KLRG1: variants seen among roughly 807,000 people sequenced by gnomAD.
KLRG1 encodes killer cell lectin-like receptor subfamily G member 1.
Under a neutral mutation model 21.8 loss-of-function variants are expected in KLRG1, and 16 were observed. That is an observed-to-expected ratio of 0.73 (90% CI 0.50 to 1.11). The LOEUF (loss-of-function observed/expected upper bound fraction) is 1.11. Among genes scored for constraint, KLRG1 ranks in the 50% most tolerant of loss-of-function variants. The probability of loss-of-function intolerance (pLI) is 0.00; values close to 1 mark genes in which losing one functional copy is unlikely to be tolerated. For synonymous variants in KLRG1, 69 were observed against 75.9 expected (o/e 0.91, Z 0.47); for missense variants, 173 against 218.3 (o/e 0.79, Z 1.31).
the KLRG1 span, among the ~76,000 whole-genome samples, chr12:9,071,115 C>T: frequency 2.6e-5 from 4 of 151,638 alleles, no homozygotes; most frequent in African/African-American, 4.8e-5. Context: ...CCACCACGCC[C>T]GGCTGAGGAT....
chr12:9,195,756 A>G, the KLRG1 span, among the ~76,000 whole-genome samples: 478 of 151,562 alleles, frequency 3.2e-3, 3 homozygotes, highest in African/African-American at 0.011. Flanking sequence ...GCCTGGCCAA[A>G]TGTCTCAATT....
At chr12:9,108,373 A>G in the KLRG1 span, among the ~76,000 whole-genome samples, 3 of 151,952 alleles carry the variant, frequency 2.0e-5, no homozygotes, top group Non-Finnish European at 4.4e-5. Context: ...TGATCTGCCC[A>G]CCTCAGCCTC....
the KLRG1 span, chr12:9,111,927 G>T: frequency 1.5e-6 from 1 of 666,324 alleles, no homozygotes; most frequent in East Asian, 2.8e-5. Context: ...CATCCGAAAA[G>T]TAAATTTAAT....
downstream of KLRG1, among the ~76,000 whole-genome samples, chr12:9,011,060 T>C (rs1394009292): frequency 2.0e-5 from 3 of 152,208 alleles, no homozygotes; most frequent in African/African-American, 7.2e-5. Context: ...GGGCCATGGC[T>C]TGGCTACTAC....
chr12:9,110,100 C>T, the KLRG1 span: 1 of 1,518,948 alleles, frequency 6.6e-7, no homozygotes, highest in Non-Finnish European at 8.9e-7. Context: ...TAAAAGATAT[C>T]TATGGAAACC....
chr12:9,202,470 C>T, the KLRG1 span: 1 of 1,612,358 alleles, frequency 6.2e-7, no homozygotes, highest in Non-Finnish European at 8.5e-7. Context: ...GAGACTTTGG[C>T]TGTTCAGGTG....
chr12:9,093,668 A>C, the KLRG1 span: 1 of 737,498 alleles, frequency 1.4e-6, no homozygotes, highest in Non-Finnish European at 2.0e-6. Context: ...AAAAAAAAAC[A>C]AAAAACAAAT....
the KLRG1 span, chr12:9,182,070 G>A: frequency 6.2e-7 from 1 of 1,613,754 alleles, no homozygotes; most frequent in Non-Finnish European, 8.5e-7. Flanking sequence ...CGTGCAATGG[G>A]GGCAACGTCT....
the KLRG1 span, chr12:9,079,463 G>A: frequency 8.8e-7 from 1 of 1,137,584 alleles, no homozygotes; most frequent in Non-Finnish European, 1.3e-6. Context: ...GAGTTTCTGA[G>A]CCTTAAATAT....
At chr12:9,167,344 C>A in the KLRG1 span, 1 of 152,240 alleles carries the variant, frequency 6.6e-6, no homozygotes, top group Non-Finnish European at 1.5e-5. Context: ...GTCAACTTGA[C>A]TTTCCACGTG....
the KLRG1 span, among the ~76,000 whole-genome samples, chr12:9,030,692 C>A: frequency 6.6e-6 from 1 of 152,188 alleles, no homozygotes; most frequent in Non-Finnish European, 1.5e-5. Flanking sequence ...AGGCGTGAGC[C>A]ACTGTGCCCA....
the KLRG1 span, chr12:9,159,991 A>G: frequency 1.2e-6 from 2 of 1,613,828 alleles, no homozygotes; most frequent in African/African-American, 1.3e-5. Context: ...TGTAGGAGCC[A>G]TCTTGGTGTT....
chr12:9,057,396 C>T, the KLRG1 span, among the ~76,000 whole-genome samples: 2 of 152,130 alleles, frequency 1.3e-5, no homozygotes, highest in African/African-American at 4.8e-5. Flanking sequence ...GATGGGAAAT[C>T]ACTTAATGGG....
the KLRG1 span, chr12:9,098,794 C>A: frequency 6.2e-7 from 1 of 1,601,924 alleles, no homozygotes; most frequent in Non-Finnish European, 8.5e-7. Flanking sequence ...AAGCAAATTT[C>A]CAGGTTTACC....
the KLRG1 span, among the ~76,000 whole-genome samples, chr12:9,201,628 T>C: frequency 6.6e-6 from 1 of 152,142 alleles, no homozygotes; most frequent in Admixed American, 6.5e-5. Context: ...ATTTGGATAC[T>C]AAAATTCTCC....
At chr12:9,121,549 A>C in the KLRG1 span, among the ~76,000 whole-genome samples, 1 of 152,226 alleles carries the variant, frequency 6.6e-6, no homozygotes, top group South Asian at 2.1e-4. The surrounding 1 kb of genome is among the most constrained non-coding windows in gnomAD (Gnocchi z 4.4). Context: ...CGAAACAAAC[A>C]AACAAAAAAA....
downstream of KLRG1, among the ~76,000 whole-genome samples, chr12:9,013,248 G>A (rs769188189): frequency 6.6e-6 from 1 of 152,152 alleles, no homozygotes; most frequent in Admixed American, 6.5e-5. Context: ...TCCCAAGAAG[G>A]ATGGGTACAA....
intron 3 of KLRG1, among the ~76,000 whole-genome samples, chr12:9,004,767 C>A (rs912677449): frequency 3.3e-5 from 5 of 152,160 alleles, no homozygotes; most frequent in Non-Finnish European, 7.3e-5. Flanking sequence ...AGGCAGGAGC[C>A]ACTGTGCCTG....
chr12:9,204,335 T>A, the KLRG1 span, among the ~76,000 whole-genome samples: 1 of 152,016 alleles, frequency 6.6e-6, no homozygotes, highest in Non-Finnish European at 1.5e-5. Context: ...ATATAAAAAA[T>A]TGGGAGTGAT....
Sources: gnomAD v4.1 joint callset for allele counts (sites outside exome capture counted in the v4.1 genomes callset) on GRCh38, gnomAD v4.1.1 for gene constraint, Gnocchi (gnomAD v3.1) non-coding constraint, MANE v1.5 for transcripts, NCBI Gene and HGNC (gene_info 2026-07-23, HGNC 2026-07-21) for gene names.